Variants in NAALADL2 observed in about 807,000 individuals in gnomAD.
NAALADL2 encodes inactive N-acetylated-alpha-linked acidic dipeptidase-like protein 2.
NAALADL2 carries 76 observed loss-of-function variants against 87.2 expected under a neutral mutation model. That is an observed-to-expected ratio of 0.87 (90% CI 0.72 to 1.05). The LOEUF (loss-of-function observed/expected upper bound fraction) is 1.05, where lower values mean the gene tolerates loss of function less well. NAALADL2 is among the 50% of genes least tolerant of loss of function. The probability of loss-of-function intolerance (pLI) is 0.00; values close to 1 mark genes in which losing one functional copy is unlikely to be tolerated. For synonymous variants in NAALADL2, 354 were observed against 331.0 expected (o/e 1.07, Z -0.75); for missense variants, 1,089 against 945.8 (o/e 1.15, Z -1.99).
intron 11 of NAALADL2, among the ~76,000 whole-genome samples, chr3:175,734,856 T>G (rs1398663828): frequency 6.6e-6 from 1 of 152,234 alleles, no homozygotes; most frequent in Non-Finnish European, 1.5e-5. Flanking sequence ...GTCTCTGACA[T>G]GCCCTAGAGA....
intron 2 of NAALADL2, among the ~76,000 whole-genome samples, chr3:174,678,904 T>G (rs1727280793): frequency 6.6e-6 from 1 of 152,242 alleles, no homozygotes; most frequent in Admixed American, 6.5e-5. Context: ...ATTTATTACC[T>G]TAACTGCCAT....
chr3:175,345,763 T>C (rs930255995), intron 5 of NAALADL2, among the ~76,000 whole-genome samples: 6 of 152,198 alleles, frequency 3.9e-5, no homozygotes, highest in African/African-American at 1.4e-4. Flanking sequence ...CGCAATTCCA[T>C]AGTGATTGTC....
chr3:175,760,729 G>A (rs1747889788), intron 13 of NAALADL2, among the ~76,000 whole-genome samples: 1 of 152,122 alleles, frequency 6.6e-6, no homozygotes, highest in Non-Finnish European at 1.5e-5. Flanking sequence ...TGTGTCTGGA[G>A]AGGAGATCTC....
chr3:174,624,547 C>T (rs576120724), intron 2 of NAALADL2, among the ~76,000 whole-genome samples: 30 of 151,874 alleles, frequency 2.0e-4, no homozygotes, highest in African/African-American at 6.8e-4. Context: ...TTGCTTTAAC[C>T]CGGGAGGTGG....
intron 1 of NAALADL2, among the ~76,000 whole-genome samples, chr3:175,074,687 A>C (rs1047727365): frequency 6.6e-6 from 1 of 152,006 alleles, no homozygotes; most frequent in African/African-American, 2.4e-5. Flanking sequence ...AAAATTACAT[A>C]CTGAAATAAC....
intron 2 of NAALADL2, among the ~76,000 whole-genome samples, chr3:174,723,913 G>A (rs1009380763): frequency 2.6e-5 from 4 of 151,982 alleles, no homozygotes; most frequent in African/African-American, 4.8e-5. Context: ...CTATTAGTAC[G>A]TATGGTCATT....
chr3:174,697,502 C>G (rs1560152240), intron 2 of NAALADL2, among the ~76,000 whole-genome samples: 1 of 152,012 alleles, frequency 6.6e-6, no homozygotes, highest in Non-Finnish European at 1.5e-5. Context: ...TTTTTTCACA[C>G]ACAATAAACA....
rs191909241 is a variant in NAALADL2 at position 175,772,547 on chromosome 3, C to T, written c.2189+17129C>T. The stretch of plus-strand genomic sequence containing the variant: ...TAGTAGAAGTTAGCACTGATTTTCA[C>T]TTTTTCCAAAATTAGTTAAATCAGA... On this transcript the variant is annotated intron_variant, in intron 13 of 13. Coordinates refer to ENST00000454872, the MANE Select transcript of NAALADL2 (RefSeq NM_207015.3). Among the ~76,000 whole-genome samples, 51 of 152,258 alleles carry T rather than the reference C, an allele frequency of 3.3e-4. No individual in the cohort carries two copies. In the East Asian group the frequency reaches 8.3e-3, roughly 25 times the overall value.
At chr3:175,711,743 A>G (rs1740555009) in intron 11 of NAALADL2, among the ~76,000 whole-genome samples, 1 of 151,934 alleles carries the variant, frequency 6.6e-6, no homozygotes, top group Admixed American at 6.6e-5. Context: ...GTTCCAAGCT[A>G]AACCAGAGTA....
chr3:175,083,416 T>G (rs148030737), intron 1 of NAALADL2, among the ~76,000 whole-genome samples: 8 of 152,242 alleles, frequency 5.3e-5, no homozygotes, highest in African/African-American at 1.9e-4. Context: ...AACCAACTTT[T>G]ATTCATCAGT....
chr3:174,533,897 A>G (rs1249393746), intron 1 of NAALADL2, among the ~76,000 whole-genome samples: 2 of 152,224 alleles, frequency 1.3e-5, no homozygotes, highest in African/African-American at 4.8e-5. Flanking sequence ...AAGAAATGCA[A>G]GCTATCTATA....
At chr3:175,135,375 G>A (rs1217113551) in intron 2 of NAALADL2, among the ~76,000 whole-genome samples, 1 of 152,022 alleles carries the variant, frequency 6.6e-6, no homozygotes. Flanking sequence ...AAATATCCTT[G>A]TATTTCCTTT....
At chr3:175,535,629 A>C (rs1345202804) in intron 9 of NAALADL2, among the ~76,000 whole-genome samples, 2 of 152,188 alleles carry the variant, frequency 1.3e-5, no homozygotes, top group East Asian at 3.8e-4. Context: ...GGGCAATGGA[A>C]TGTCACTTGA....
chr3:175,222,202 A>G (rs1743490598), intron 2 of NAALADL2, among the ~76,000 whole-genome samples: 1 of 152,186 alleles, frequency 6.6e-6, no homozygotes, highest in East Asian at 1.9e-4. Context: ...TCTCCCATAC[A>G]GAATCTTTTG....
chr3:175,604,594 A>G (rs890144789), intron 10 of NAALADL2, among the ~76,000 whole-genome samples: 3 of 152,008 alleles, frequency 2.0e-5, no homozygotes. Context: ...GTGAGGCACC[A>G]CGCCCAGCCG....
At chr3:175,202,176 A>G (rs1029795313) in intron 2 of NAALADL2, among the ~76,000 whole-genome samples, 1 of 152,140 alleles carries the variant, frequency 6.6e-6, no homozygotes, top group African/African-American at 2.4e-5. Flanking sequence ...CTCTGCTTTG[A>G]TGCCTCCTTG....
intron 1 of NAALADL2, among the ~76,000 whole-genome samples, chr3:174,884,966 C>T (rs1347697261): frequency 2.0e-5 from 3 of 152,074 alleles, no homozygotes; most frequent in Non-Finnish European, 4.4e-5. Context: ...TCACTGTTGT[C>T]TCAGGCAGCA....
intron 4 of NAALADL2, among the ~76,000 whole-genome samples, chr3:175,282,630 C>T (rs974440505): frequency 3.9e-5 from 6 of 152,006 alleles, no homozygotes; most frequent in African/African-American, 1.4e-4. Context: ...GCCTAGCTAC[C>T]TTAAGGATCA....
intron 1 of NAALADL2, among the ~76,000 whole-genome samples, chr3:175,066,808 G>A (rs1164580452): frequency 1.3e-5 from 2 of 152,142 alleles, no homozygotes; most frequent in Admixed American, 6.6e-5. Context: ...CAGGTGAGAT[G>A]TCGCTTGTGA....
Sources: gnomAD v4.1 joint callset for allele counts (sites outside exome capture counted in the v4.1 genomes callset) on GRCh38, gnomAD v4.1.1 for gene constraint, MANE v1.5 for transcripts, NCBI Gene and HGNC (gene_info 2026-07-23, HGNC 2026-07-21) for gene names.